Variants in GALNT18 observed in about 807,000 individuals in gnomAD.
GALNT18 encodes the protein GalNAc-transferase 18.
GALNT18 carries 44 observed loss-of-function variants against 69.5 expected under a neutral mutation model. The ratio of observed to expected loss-of-function variants is 0.63; its 90% confidence interval spans 0.50 to 0.81. The LOEUF (loss-of-function observed/expected upper bound fraction) is 0.81. GALNT18 is among the 40% of genes least tolerant of loss of function. GALNT18 has a pLI of 0.00. For synonymous variants in GALNT18, 364 were observed against 318.2 expected (o/e 1.14, Z -1.53); for missense variants, 715 against 810.0 (o/e 0.88, Z 1.42).
intron 1 of GALNT18, among the ~76,000 whole-genome samples, chr11:11,482,893 C>G (rs1272469994): frequency 6.6e-6 from 1 of 152,194 alleles, no homozygotes; most frequent in South Asian, 2.1e-4. Context: ...CATGGCCCAG[C>G]AGCATGGGCA....
Position 11,387,273 on chromosome 11 carries a change from T to C in GALNT18, c.596-8009A>G, listed in dbSNP as rs577664312. Reference sequence around the variant, plus strand: ...TTGGCCATCTTTGGGTCTGATGTTTTGGACTGTCCCCTGTCATTTCCCAGC... The same window carrying C: ...TTGGCCATCTTTGGGTCTGATGTTTCGGACTGTCCCCTGTCATTTCCCAGC... On this transcript the variant is annotated intron_variant, in intron 3 of 10. Transcript: ENST00000227756. This position sits in a 1 kb window ranked among gnomAD's most constrained non-coding sequence, Gnocchi z 4.6. Among the ~76,000 whole-genome samples the C allele has an allele frequency of 2.0e-5, 3 of 152,328 alleles. No individual in the cohort carries two copies. The highest frequency in any genetic ancestry group is 7.2e-5 in the African/African-American group (3 of 41,570).
chr11:11,415,860 T>A lies in GALNT18; in HGVS notation c.595+16761A>T, dbSNP rs983791611. On this transcript the variant is annotated intron_variant, in intron 3 of 10. Transcript: ENST00000227756. The surrounding 1 kb of genome is among the most constrained non-coding windows in gnomAD (Gnocchi z 4.1). ...AACGCTCTCCACTGTTGGACTCACATGTCATAGGAATATGGAGTACACAGG... is the reference window on the plus strand; with the variant it reads ...AACGCTCTCCACTGTTGGACTCACAAGTCATAGGAATATGGAGTACACAGG... Among the ~76,000 whole-genome samples the A allele has an allele frequency of 6.6e-6, 1 of 152,184 alleles. No individual in the cohort carries two copies. Among genetic ancestry groups the A allele is most frequent in the African/African-American group, 2.4e-5 (1 of 41,446 alleles).
At chr11:11,578,905 G>A (rs1229950164) in intron 1 of GALNT18, among the ~76,000 whole-genome samples, 1 of 152,222 alleles carries the variant, frequency 6.6e-6, no homozygotes, top group Non-Finnish European at 1.5e-5. Flanking sequence ...TATGTCAGCA[G>A]CGAAGAACTT....
rs532774762 is a variant in GALNT18, at chr11:11,583,674, A to T, written c.235+37685T>A. 6.6e-6 allele frequency among the ~76,000 whole-genome samples: 1 copy of T among 152,282 alleles called. No homozygotes were observed. The highest frequency in any genetic ancestry group is 1.9e-4 in the East Asian group (1 of 5,166). ...TTCAAATGCCGACATTTTGAAGAAC[A>T]CACACCAAGATATTTCCAAAGCCCT... On this transcript the variant is annotated intron_variant, in intron 1 of 10. Coordinates refer to ENST00000227756, the MANE Select transcript of GALNT18 (RefSeq NM_198516.3). This position sits in a 1 kb window ranked among gnomAD's most constrained non-coding sequence, Gnocchi z 4.7.
At chr11:11,593,335 C>T (rs11021948) in intron 1 of GALNT18, among the ~76,000 whole-genome samples, 3,540 of 152,210 alleles carry the variant, frequency 0.023, 138 homozygotes, top group African/African-American at 0.08. Flanking sequence ...AATAGAGGGT[C>T]TCAAGCCATT....
Position 11,270,916 on chromosome 11 carries a change from C to CGGGGA in GALNT18, c.*227_*228insTCCCC. 1 of 427,402 alleles carries CGGGGA rather than the reference C, an allele frequency of 2.3e-6. No homozygotes were observed. Among genetic ancestry groups the CGGGGA allele is most frequent in the Non-Finnish European group, 4.2e-6 (1 of 239,002 alleles). The allele number at this position is 427,402 out of a possible 1,614,324, so 26.5% of individuals were successfully genotyped here. On this transcript the variant is annotated 3_prime_UTR_variant, in exon 11 of 11. Transcript: ENST00000227756. ...TTTTATTGTCAGTTATAAATATTTT[C>CGGGGA]CATCTGTCCCCTATTTACAACTGCA...
intron 9 of GALNT18, among the ~76,000 whole-genome samples, chr11:11,319,439 A>G (rs2133037416): frequency 6.6e-6 from 1 of 152,376 alleles, no homozygotes; most frequent in Middle Eastern, 3.4e-3. Flanking sequence ...CAGGGCCAAG[A>G]ACAGTATCTG....
chr11:11,296,331 T>G (rs1398623948), intron 9 of GALNT18, among the ~76,000 whole-genome samples: 1 of 152,210 alleles, frequency 6.6e-6, no homozygotes, highest in African/African-American at 2.4e-5. Flanking sequence ...AAGACTGCCC[T>G]GAATATTCAA....
chr11:11,272,172 C>T (rs1322217155), intron 10 of GALNT18, among the ~76,000 whole-genome samples: 4 of 152,162 alleles, frequency 2.6e-5, no homozygotes, highest in African/African-American at 9.7e-5. Context: ...TCCCCCAGAA[C>T]CTACTCCTGT....
chr11:11,392,586 T>C (rs1422446964), intron 3 of GALNT18, among the ~76,000 whole-genome samples: 2 of 152,066 alleles, frequency 1.3e-5, no homozygotes, highest in African/African-American at 2.4e-5. Flanking sequence ...GCCATCACAC[T>C]CTAGCCTGGG....
rs1220011915 is a variant in GALNT18 at position 11,505,911 on chromosome 11, A to C, written c.236-56975T>G. ...AGCCATCCATCCTCACTCCTCTGAA[A>C]GGAAGTCATCCTCCCCTATGGCCTT... is the stretch of plus-strand genomic sequence containing the variant. On this transcript the variant is annotated intron_variant, in intron 1 of 10. Transcript: ENST00000227756. The surrounding 1 kb of genome is among the most constrained non-coding windows in gnomAD (Gnocchi z 4.6). Among the ~76,000 whole-genome samples the C allele has an allele frequency of 6.6e-6, 1 of 152,172 alleles. No individual in the cohort carries two copies. The highest frequency in any genetic ancestry group is 1.5e-5 in the Non-Finnish European group (1 of 68,014).
intron 1 of GALNT18, among the ~76,000 whole-genome samples, chr11:11,537,212 A>G (rs1459983915): frequency 8.8e-6 from 1 of 113,734 alleles, no homozygotes; most frequent in East Asian, 5.7e-4. Context: ...CTAAAGTCAC[A>G]CAGTTAATCG....
intron 3 of GALNT18, among the ~76,000 whole-genome samples, chr11:11,409,908 A>G (rs1302752284): frequency 6.6e-6 from 1 of 152,182 alleles, no homozygotes; most frequent in Non-Finnish European, 1.5e-5. Flanking sequence ...ATACACAGTG[A>G]CAGGTCCATA....
chr11:11,526,298 T>C (rs1857523475), intron 1 of GALNT18, among the ~76,000 whole-genome samples: 2 of 152,202 alleles, frequency 1.3e-5, no homozygotes, highest in South Asian at 4.2e-4. Context: ...TTTCTGTGAG[T>C]GACAGACTGT....
At chr11:11,554,013 G>A (rs1858266334) in intron 1 of GALNT18, among the ~76,000 whole-genome samples, 1 of 152,106 alleles carries the variant, frequency 6.6e-6, no homozygotes, top group African/African-American at 2.4e-5. Flanking sequence ...CTGGCCCACC[G>A]CGCAGCACTT....
At chr11:11,412,600 G>A (rs1175916687) in intron 3 of GALNT18, among the ~76,000 whole-genome samples, 1 of 152,238 alleles carries the variant, frequency 6.6e-6, no homozygotes, top group Non-Finnish European at 1.5e-5. Flanking sequence ...GACCTGCAGA[G>A]GTTCCAGCAT....
At chr11:11,379,590 C>T (rs1853861320) in intron 3 of GALNT18, among the ~76,000 whole-genome samples, 1 of 152,226 alleles carries the variant, frequency 6.6e-6, no homozygotes, top group African/African-American at 2.4e-5. Flanking sequence ...AGTTCTCCAG[C>T]ATCATGCAGC....
intron 3 of GALNT18, among the ~76,000 whole-genome samples, chr11:11,422,035 T>A (rs992558068): frequency 7.6e-6 from 1 of 131,226 alleles, no homozygotes; most frequent in African/African-American, 2.5e-5. Context: ...ATATCATCTA[T>A]ATCTATATCA....
chr11:11,396,843 C>G lies in GALNT18; in HGVS notation c.596-17579G>C, dbSNP rs181058789. On this transcript the variant is annotated intron_variant, in intron 3 of 10. Transcript: ENST00000227756. The surrounding 1 kb of genome is among the most constrained non-coding windows in gnomAD (Gnocchi z 5.2). ...AGGAAAATAGGGAGGGTCTTGGCTG[C>G]CAAAGGAAAGGCTTTCATTCCAGTC... Among the ~76,000 whole-genome samples, 2 of 152,146 alleles carry G rather than the reference C, an allele frequency of 1.3e-5. No homozygotes were observed. Among genetic ancestry groups the G allele is most frequent in the Non-Finnish European group, 2.9e-5 (2 of 68,000 alleles).
Sources: gnomAD v4.1 joint callset for allele counts (sites outside exome capture counted in the v4.1 genomes callset) on GRCh38, gnomAD v4.1.1 for gene constraint, Gnocchi (gnomAD v3.1) non-coding constraint, MANE v1.5 for transcripts, NCBI Gene and HGNC (gene_info 2026-07-23, HGNC 2026-07-21) for gene names.